The following DPH6 variants were observed in gnomAD, a reference collection of about 807,000 sequenced individuals.
DPH6 encodes diphthine--ammonia ligase.
Under a neutral mutation model 38.2 loss-of-function variants are expected in DPH6, and 33 were observed. The observed-to-expected ratio is 0.86, with a 90% confidence interval of 0.65 to 1.15. DPH6 has a LOEUF of 1.15. Ranked by LOEUF, DPH6 falls within the 50% of genes most tolerant of loss-of-function variation. DPH6 has a pLI of 0.00. For missense variants in DPH6, 325 were observed against 320.0 expected (o/e 1.02, Z -0.12); for synonymous variants, 108 against 103.0 (o/e 1.05, Z -0.30).
At chr15:35,521,041 T>C (rs1022807731) in intron 3 of DPH6, 3 of 985,238 alleles carry the variant, frequency 3.0e-6, no homozygotes, top group Non-Finnish European at 3.6e-6. Flanking sequence ...CTTTAGATGG[T>C]ATGTAGATTT....
At chr15:35,545,737 G>A (rs1022889393) in intron 1 of DPH6, among the ~76,000 whole-genome samples, 1 of 152,034 alleles carries the variant, frequency 6.6e-6, no homozygotes, top group African/African-American at 2.4e-5. Context: ...TAAGGTAGTG[G>A]CTCCAAACTT....
intron 5 of DPH6, among the ~76,000 whole-genome samples, chr15:35,427,148 A>C (rs1218150193): frequency 6.6e-6 from 1 of 151,898 alleles, no homozygotes; most frequent in African/African-American, 2.4e-5. Context: ...AGGATGTAAG[A>C]AGCAGAGAAG....
At chr15:35,233,442 G>A (rs1237536035) in intron 3 of DPH6, among the ~76,000 whole-genome samples, 2 of 152,116 alleles carry the variant, frequency 1.3e-5, no homozygotes, top group Non-Finnish European at 2.9e-5. Context: ...AAAAATCTTG[G>A]ATTTTATAAG....
chr15:35,529,662 C>G (rs972561814), intron 3 of DPH6, among the ~76,000 whole-genome samples: 1 of 152,106 alleles, frequency 6.6e-6, no homozygotes, highest in Non-Finnish European at 1.5e-5. Context: ...TCTGTGAGGG[C>G]AAAGACTATG....
chr15:35,193,919 T>C, the DPH6 span, among the ~76,000 whole-genome samples: 1 of 152,100 alleles, frequency 6.6e-6, no homozygotes, highest in Non-Finnish European at 1.5e-5. Flanking sequence ...CAAATAGACA[T>C]GGTTCAAACA....
the DPH6 span, among the ~76,000 whole-genome samples, chr15:35,154,197 A>T: frequency 6.6e-6 from 1 of 152,318 alleles, no homozygotes; most frequent in East Asian, 1.9e-4. Flanking sequence ...CCATAAAGAA[A>T]TGATAAATGC....
At chr15:35,362,871 T>C (rs1356932518) in intron 3 of DPH6, among the ~76,000 whole-genome samples, 1 of 152,166 alleles carries the variant, frequency 6.6e-6, no homozygotes, top group Non-Finnish European at 1.5e-5. Context: ...TCATAAAGGC[T>C]CTTTGAAGGA....
At chr15:35,398,136 C>G (rs1169527564) in intron 6 of DPH6, among the ~76,000 whole-genome samples, 1 of 152,146 alleles carries the variant, frequency 6.6e-6, no homozygotes, top group Non-Finnish European at 1.5e-5. Flanking sequence ...TCCCAATACT[C>G]TTGTAGATAG....
chr15:35,395,539 A>T (rs1195897765), intron 6 of DPH6, among the ~76,000 whole-genome samples: 1 of 152,196 alleles, frequency 6.6e-6, no homozygotes, highest in African/African-American at 2.4e-5. Flanking sequence ...AGTTTCATTT[A>T]GACCAAATTT....
At chr15:35,401,811 G>A (rs1454804638) in intron 6 of DPH6, 39 of 582,326 alleles carry the variant, frequency 6.7e-5, no homozygotes, top group Non-Finnish European at 1.1e-4. Flanking sequence ...GAGAGCCAGA[G>A]AAGTTGACAG....
At chr15:35,244,515 T>C (rs973581812) in intron 3 of DPH6, among the ~76,000 whole-genome samples, 1 of 152,212 alleles carries the variant, frequency 6.6e-6, no homozygotes, top group Non-Finnish European at 1.5e-5. Context: ...AATTTATTCA[T>C]CCCATGATGC....
intron 3 of DPH6, among the ~76,000 whole-genome samples, chr15:35,296,025 T>C (rs749015214): frequency 5.3e-5 from 8 of 151,910 alleles, no homozygotes; most frequent in Non-Finnish European, 1.2e-4. Flanking sequence ...CTGCAAACTC[T>C]GCCTCCTGGG....
At chr15:35,176,465 T>A in the DPH6 span, among the ~76,000 whole-genome samples, 1 of 146,866 alleles carries the variant, frequency 6.8e-6, no homozygotes, top group East Asian at 2.3e-4. Flanking sequence ...CATTCGACAG[T>A]TGTAAGGTCT....
intron 3 of DPH6, among the ~76,000 whole-genome samples, chr15:35,265,062 C>T (rs1004448207): frequency 2.0e-5 from 3 of 152,080 alleles, no homozygotes; most frequent in Non-Finnish European, 4.4e-5. Flanking sequence ...GCCATGCTGT[C>T]TATAGTCCAT....
intron 3 of DPH6, among the ~76,000 whole-genome samples, chr15:35,285,362 TG>T (rs1354060267): frequency 2.6e-5 from 4 of 152,036 alleles, no homozygotes; most frequent in Non-Finnish European, 5.9e-5. Flanking sequence ...AATTGAAACA[TG>T]GGGGCGGGTC....
At chr15:35,288,944 A>G (rs1317237386) in intron 3 of DPH6, among the ~76,000 whole-genome samples, 2 of 152,176 alleles carry the variant, frequency 1.3e-5, no homozygotes, top group Non-Finnish European at 2.9e-5. Flanking sequence ...TTTAACAGGA[A>G]ACTACACATC....
intron 3 of DPH6, among the ~76,000 whole-genome samples, chr15:35,341,202 A>G (rs1215447413): frequency 6.6e-6 from 1 of 151,772 alleles, no homozygotes; most frequent in Admixed American, 6.6e-5. Context: ...TGTAGTTCTC[A>G]TGTTGTTTTT....
intron 6 of DPH6, among the ~76,000 whole-genome samples, chr15:35,384,164 C>G (rs982828695): frequency 3.9e-5 from 6 of 152,184 alleles, no homozygotes; most frequent in Non-Finnish European, 4.4e-5. Context: ...TATCCTAGCA[C>G]TTAATCATTC....
intron 3 of DPH6, among the ~76,000 whole-genome samples, chr15:35,473,962 G>GCA (rs2054233172): frequency 2.9e-5 from 4 of 139,888 alleles, no homozygotes; most frequent in African/African-American, 1.1e-4. Flanking sequence ...GTGTGTGCGC[G>GCA]CGCGCGCGTG....
Sources: gnomAD v4.1 joint callset for allele counts (sites outside exome capture counted in the v4.1 genomes callset) on GRCh38, gnomAD v4.1.1 for gene constraint, MANE v1.5 for transcripts, NCBI Gene and HGNC (gene_info 2026-07-23, HGNC 2026-07-21) for gene names.